ACBD5: variants seen among roughly 807,000 people sequenced by gnomAD.
The protein encoded by ACBD5 is acyl-CoA binding domain containing 5, also known as acyl-CoA-binding domain-containing protein 5.
ACBD5 carries 40 observed loss-of-function variants against 71.8 expected under a neutral mutation model. The ratio of observed to expected loss-of-function variants is 0.56; its 90% CI spans 0.43 to 0.72. ACBD5 has a LOEUF of 0.72. Among genes scored for constraint, ACBD5 ranks in the 30% least tolerant of loss-of-function variants. The pLI, the probability that ACBD5 is intolerant of heterozygous loss-of-function variation, is 0.00. For missense variants in ACBD5, 559 were observed against 644.5 expected (o/e 0.87, Z 1.44); for synonymous variants, 229 against 218.6 (o/e 1.05, Z -0.42).
intron 3 of ACBD5, among the ~76,000 whole-genome samples, chr10:27,234,021 G>C (rs2064284680): frequency 6.6e-6 from 1 of 152,192 alleles, no homozygotes; most frequent in African/African-American, 2.4e-5. Context: ...TCCAGCCTGG[G>C]CAACAAGAGT....
intron 7 of ACBD5, among the ~76,000 whole-genome samples, chr10:27,216,542 C>T (rs373187232): frequency 2.5e-4 from 38 of 152,282 alleles, no homozygotes; most frequent in South Asian, 1.9e-3. Flanking sequence ...TCCCAAAGTG[C>T]GGGGATTACG....
At chr10:27,220,768 C>T (rs982318369) in intron 5 of ACBD5, among the ~76,000 whole-genome samples, 4 of 152,056 alleles carry the variant, frequency 2.6e-5, no homozygotes, top group African/African-American at 9.7e-5. Context: ...AATTGGAGGA[C>T]TCATCATTCC....
chr10:27,238,955 T>C (rs2065116004), intron 2 of ACBD5, among the ~76,000 whole-genome samples: 1 of 152,224 alleles, frequency 6.6e-6, no homozygotes, highest in African/African-American at 2.4e-5. Context: ...CCCAGCACTT[T>C]GGGTGGCCCA....
At position 27,213,988 on chromosome 10, in the gene ACBD5, T is replaced by C. The variant is rs111334695; in HGVS notation, c.936+1547A>G. On this transcript the variant is annotated intron_variant, in intron 8 of 12. Coordinates refer to ENST00000396271, the MANE Select transcript of ACBD5 (RefSeq NM_145698.5). ...TACACGACAGAGTACTATTCTACCA[T>C]AAAAAAGAATGAGATCCTGTCATTT... Among the ~76,000 whole-genome samples the C allele has an allele frequency of 7.9e-3, 1,200 of 152,246 alleles. 8 individuals are homozygous for C. The highest frequency in any genetic ancestry group is 0.014 in the Non-Finnish European group (973 of 68,022).
At chr10:27,189,813 C>T (rs2059003962) in intron 13 of ACBD5, among the ~76,000 whole-genome samples, 4 of 150,856 alleles carry the variant, frequency 2.7e-5, no homozygotes, top group Middle Eastern at 6.8e-3. Context: ...TTCACAACGG[C>T]ATAATGTTTA....
At chr10:27,225,253 G>C (rs529322921) in intron 4 of ACBD5, among the ~76,000 whole-genome samples, 1 of 152,132 alleles carries the variant, frequency 6.6e-6, no homozygotes, top group African/African-American at 2.4e-5. Context: ...AAAGTGCTGG[G>C]GTTATAGGTG....
intron 7 of ACBD5, among the ~76,000 whole-genome samples, chr10:27,216,456 A>G (rs1400467963): frequency 3.3e-5 from 5 of 152,020 alleles, no homozygotes; most frequent in Non-Finnish European, 7.4e-5. Flanking sequence ...TTGTATTTTT[A>G]GTAGAGACGG....
intron 4 of ACBD5, among the ~76,000 whole-genome samples, chr10:27,231,382 T>A (rs2063836571): frequency 6.6e-6 from 1 of 152,166 alleles, no homozygotes; most frequent in Admixed American, 6.5e-5. Context: ...CTGGGTGTAG[T>A]GGTGTGCACC....
chr10:27,218,576 C>T (rs1006495782), intron 6 of ACBD5, among the ~76,000 whole-genome samples: 6 of 136,508 alleles, frequency 4.4e-5, no homozygotes, highest in Middle Eastern at 3.8e-3. Context: ...GAAGGCAAAA[C>T]TAAGTTACAC....
chr10:27,185,430 C>T (rs982943024), intron 13 of ACBD5, among the ~76,000 whole-genome samples: 3 of 151,358 alleles, frequency 2.0e-5, no homozygotes, highest in Non-Finnish European at 1.5e-5. Flanking sequence ...GTCGGGAGTT[C>T]GAGACCAGCC....
Position 27,196,992 on chromosome 10 carries a change from T to G in ACBD5, c.*438A>C, listed in dbSNP as rs1564540156. 3 of 453,880 alleles carry G rather than the reference T, an allele frequency of 6.6e-6. No homozygotes were observed. Among genetic ancestry groups the G allele is most frequent in the Non-Finnish European group, 1.3e-5 (3 of 226,616 alleles). The allele number at this position is 453,880 out of a possible 1,614,324, so 28.1% of individuals were successfully genotyped here. A position where few individuals can be genotyped will look rare whatever the true frequency, so the allele number is the denominator to read the frequency against. Reference sequence around the variant, plus strand: ...AAAGTCGATTACATCTCATTTGAAATTCACTCCTGGTTTGCATTCTTTCTT... The same window carrying G: ...AAAGTCGATTACATCTCATTTGAAAGTCACTCCTGGTTTGCATTCTTTCTT... On this transcript the variant is annotated 3_prime_UTR_variant, in exon 13 of 13. Coordinates refer to ENST00000396271, the MANE Select transcript of ACBD5 (RefSeq NM_145698.5).
Position 27,196,508 on chromosome 10 carries a change from G to A in ACBD5, c.*922C>T. 2.2e-6 allele frequency: 1 copy of A among 454,226 alleles called. No individual in the cohort carries two copies. The highest frequency in any genetic ancestry group is 1.6e-5 in the South Asian group (1 of 64,464). 28.1% of individuals were successfully genotyped at this position (454,226 alleles called of 1,614,324 possible). ...AAACTGAGGCACTAAGAGGTTAAGA[G>A]TCCAGTCTATATAGTTCATCAGTTG... On this transcript the variant is annotated 3_prime_UTR_variant, in exon 13 of 13. Coordinates refer to ENST00000396271, the MANE Select transcript of ACBD5 (RefSeq NM_145698.5).
intron 7 of ACBD5, among the ~76,000 whole-genome samples, chr10:27,217,145 C>CAAAAAAA (rs375519969): frequency 2.4e-5 from 2 of 83,224 alleles, no homozygotes; most frequent in African/African-American, 1.1e-4. Flanking sequence ...GACTCTGTCT[C>CAAAAAAA]AAAAAAAAAA....
intron 10 of ACBD5, among the ~76,000 whole-genome samples, chr10:27,207,617 T>G (rs2060605507): frequency 6.6e-6 from 1 of 152,222 alleles, no homozygotes; most frequent in Non-Finnish European, 1.5e-5. Flanking sequence ...CAAATGTTAC[T>G]CAAGAAGCGG....
chr10:27,188,766 A>G (rs967378557), intron 13 of ACBD5, among the ~76,000 whole-genome samples: 1 of 152,198 alleles, frequency 6.6e-6, no homozygotes, highest in Non-Finnish European at 1.5e-5. Context: ...ATGTAGATTC[A>G]GACACTTGCT....
chr10:27,239,936 C>CG (rs1277902133), intron 2 of ACBD5, among the ~76,000 whole-genome samples: 1 of 152,108 alleles, frequency 6.6e-6, no homozygotes, highest in Non-Finnish European at 1.5e-5. Flanking sequence ...TTAGTAGAGA[C>CG]GGGGTTTCAC....
intron 4 of ACBD5, among the ~76,000 whole-genome samples, chr10:27,228,568 C>T (rs1473146472): frequency 6.6e-6 from 1 of 151,294 alleles, no homozygotes; most frequent in Non-Finnish European, 1.5e-5. Context: ...CAGTGCGAGA[C>T]TCCGTCTCAA....
At chr10:27,186,593 T>G in intron 13 of ACBD5, 2 of 1,401,052 alleles carry the variant, frequency 1.4e-6, no homozygotes, top group Non-Finnish European at 2.0e-6. Context: ...TGCATAATTA[T>G]ATACTCCTTA....
intron 8 of ACBD5, among the ~76,000 whole-genome samples, chr10:27,214,946 T>C (rs1047061914): frequency 6.6e-6 from 1 of 152,150 alleles, no homozygotes; most frequent in Non-Finnish European, 1.5e-5. Context: ...GGCAGATCAC[T>C]TGAGGTCAGG....
Sources: allele counts gnomAD v4.1 joint callset (sites outside exome capture counted in the v4.1 genomes callset), GRCh38; gene constraint gnomAD v4.1.1; transcripts MANE v1.5; gene names NCBI Gene and HGNC (gene_info 2026-07-23, HGNC 2026-07-21).